CACNB2: variants seen among roughly 807,000 people sequenced by gnomAD.
CACNB2 encodes the protein voltage-dependent L-type calcium channel subunit beta-2.
In CACNB2, 42 loss-of-function variants were observed where a neutral mutation model predicts 73.3. That is an observed-to-expected ratio of 0.57 (90% CI 0.45 to 0.74). The LOEUF is 0.74. Ranked by LOEUF, CACNB2 falls within the 30% of genes least tolerant of loss-of-function variation. The pLI is 0.00. For synonymous variants in CACNB2, 348 were observed against 310.3 expected, an observed-to-expected ratio of 1.12 and a Z score of -1.28; for missense variants, 940 against 853.0, an observed-to-expected ratio of 1.10 and a Z score of -1.27.
intron 2 of CACNB2, among the ~76,000 whole-genome samples, chr10:18,276,927 C>A (rs747692149): frequency 6.6e-6 from 1 of 152,008 alleles, no homozygotes; most frequent in African/African-American, 2.4e-5. Flanking sequence ...GACAGGGCAA[C>A]ATAACGAAAC....
intron 2 of CACNB2, among the ~76,000 whole-genome samples, chr10:18,219,118 T>G (rs1248703028): frequency 6.6e-6 from 1 of 152,168 alleles, no homozygotes; most frequent in Non-Finnish European, 1.5e-5. Flanking sequence ...TGAACCATGA[T>G]CATGCCATTG....
At chr10:18,250,213 C>A (rs535505653) in intron 2 of CACNB2, among the ~76,000 whole-genome samples, 14 of 152,346 alleles carry the variant, frequency 9.2e-5, no homozygotes, top group African/African-American at 2.2e-4. Context: ...ACACAGCAGG[C>A]AGAATACTAC....
At chr10:18,487,182 G>A (rs146285336) in intron 3 of CACNB2, among the ~76,000 whole-genome samples, 221 of 152,312 alleles carry the variant, frequency 1.5e-3, no homozygotes, top group African/African-American at 5.1e-3. Flanking sequence ...GCACCATGTT[G>A]TCTGTTCCTC....
At chr10:18,149,811 T>G (rs963068065) in intron 1 of CACNB2, among the ~76,000 whole-genome samples, 1 of 152,236 alleles carries the variant, frequency 6.6e-6, no homozygotes, top group Non-Finnish European at 1.5e-5. Context: ...TTCCAACCCC[T>G]GTATAGGTAT....
intron 3 of CACNB2, among the ~76,000 whole-genome samples, chr10:18,432,042 C>G (rs575810657): frequency 6.9e-4 from 105 of 152,294 alleles, no homozygotes; most frequent in Non-Finnish European, 1.2e-3. Context: ...GGATTACAGG[C>G]ATGAGCCACC....
At chr10:18,520,688 T>C (rs1022281005) in intron 9 of CACNB2, among the ~76,000 whole-genome samples, 1 of 152,228 alleles carries the variant, frequency 6.6e-6, no homozygotes, top group Non-Finnish European at 1.5e-5. Flanking sequence ...CTCTTGCTGC[T>C]CTTCCCTCGC....
intron 9 of CACNB2, among the ~76,000 whole-genome samples, chr10:18,525,401 T>A (rs1458284709): frequency 6.6e-6 from 1 of 152,218 alleles, no homozygotes; most frequent in Non-Finnish European, 1.5e-5. Flanking sequence ...TAATTGCTAG[T>A]TTAAATGCTT....
At chr10:18,329,504 GAAAAAAAAA>G (rs11413915) in intron 2 of CACNB2, among the ~76,000 whole-genome samples, 1 of 112,510 alleles carries the variant, frequency 8.9e-6, no homozygotes, top group South Asian at 2.9e-4. Context: ...AGTAAAAAAA[GAAAAAAAAA>G]AAAAAAAAAG....
chr10:18,500,665 C>A, intron 4 of CACNB2, 147 bp from the exon 5 acceptor site: 1 of 816,878 alleles, frequency 1.2e-6, no homozygotes, highest in Non-Finnish European at 2.0e-6. Flanking sequence ...ACATGTGAAA[C>A]CCATGAGCCG....
intron 3 of CACNB2, among the ~76,000 whole-genome samples, chr10:18,433,022 C>A (rs2045965961): frequency 6.6e-6 from 1 of 151,998 alleles, no homozygotes; most frequent in Non-Finnish European, 1.5e-5. Context: ...TCCCTTTGGG[C>A]TTCCTGTTTC....
intron 2 of CACNB2, among the ~76,000 whole-genome samples, chr10:18,329,918 A>G (rs1011460111): frequency 5.9e-5 from 9 of 151,768 alleles, no homozygotes; most frequent in African/African-American, 1.9e-4. Flanking sequence ...GCTAACTGCA[A>G]CCTCCTCCAC....
intron 2 of CACNB2, among the ~76,000 whole-genome samples, chr10:18,370,539 A>G (rs2042537342): frequency 6.6e-6 from 1 of 152,138 alleles, no homozygotes; most frequent in Admixed American, 6.6e-5. Flanking sequence ...GACTTAAGTG[A>G]TCCTCCCACC....
At chr10:18,284,843 C>G (rs72784231) in intron 2 of CACNB2, among the ~76,000 whole-genome samples, 32,462 of 151,994 alleles carry the variant, frequency 0.21, 3,569 homozygotes, top group Admixed American at 0.26. Context: ...CAAAAAAAGA[C>G]GATTCTGGTT....
chr10:18,206,639 C>G (rs1304233313), intron 2 of CACNB2: 1 of 152,314 alleles, frequency 6.6e-6, no homozygotes, highest in African/African-American at 2.4e-5. Flanking sequence ...GTACTTCCCT[C>G]AAATTCCAGA....
At chr10:18,531,623 C>T (rs1281649960) in intron 10 of CACNB2, among the ~76,000 whole-genome samples, 1 of 152,108 alleles carries the variant, frequency 6.6e-6, no homozygotes, top group Non-Finnish European at 1.5e-5. Flanking sequence ...ATTTACACTC[C>T]CATCAACAGT....
intron 2 of CACNB2, among the ~76,000 whole-genome samples, chr10:18,194,659 T>C (rs2034551223): frequency 6.6e-6 from 1 of 152,218 alleles, no homozygotes; most frequent in Non-Finnish European, 1.5e-5. Context: ...AGATATATTT[T>C]GTTTAGTGTC....
chr10:18,229,266 A>G (rs11013089), intron 2 of CACNB2, among the ~76,000 whole-genome samples: 2,356 of 152,322 alleles, frequency 0.015, 49 homozygotes, highest in East Asian at 0.11. Context: ...CATAATTTCA[A>G]TTACATGATT....
intron 10 of CACNB2, among the ~76,000 whole-genome samples, chr10:18,528,868 C>T (rs958188068): frequency 2.6e-5 from 4 of 152,160 alleles, no homozygotes; most frequent in Admixed American, 6.6e-5. Flanking sequence ...GAGAGAGGGT[C>T]GCACTCTGTT....
chr10:18,336,908 T>C (rs1356506067), intron 2 of CACNB2, among the ~76,000 whole-genome samples: 1 of 152,196 alleles, frequency 6.6e-6, no homozygotes, highest in Non-Finnish European at 1.5e-5. Flanking sequence ...CAACCCATTG[T>C]AGAAAGTTTG....
Sources: allele counts gnomAD v4.1 joint callset (sites outside exome capture counted in the v4.1 genomes callset), GRCh38; gene constraint gnomAD v4.1.1; transcripts MANE v1.5; gene names NCBI Gene and HGNC (gene_info 2026-07-23, HGNC 2026-07-21).